CELF5: variants seen among roughly 807,000 people sequenced by gnomAD.
CELF5 encodes CUG-BP and ETR-3 like factor 5.
Under a neutral mutation model 54.9 loss-of-function variants are expected in CELF5, and 6 were observed. The ratio of observed to expected loss-of-function variants is 0.11; its 90% CI spans 0.06 to 0.22. The LOEUF (loss-of-function observed/expected upper bound fraction) is 0.22. Ranked by LOEUF, CELF5 falls within the 10% of genes least tolerant of loss-of-function variation. The pLI, the probability that CELF5 is intolerant of heterozygous loss-of-function variation, is 1.00. For synonymous variants in CELF5, 271 were observed against 290.9 expected (o/e 0.93, Z 0.70); for missense variants, 401 against 678.6 (o/e 0.59, Z 4.54).
chr19:3,275,824 G>C lies in CELF5; in HGVS notation c.395-32G>C. The C allele has an allele frequency of 6.3e-7, 1 of 1,587,550 alleles. No individual in the cohort carries two copies. The highest frequency in any genetic ancestry group is 8.6e-7 in the Non-Finnish European group (1 of 1,161,138). On this transcript the variant is annotated intron_variant, in intron 3 of 12. Coordinates refer to ENST00000292672, the MANE Select transcript of CELF5 (RefSeq NM_021938.4). The surrounding 1 kb of genome is among the most constrained non-coding windows in gnomAD (Gnocchi z 6.7). ...CCCGGAGGCCCTCCCGGAGGCCGGG[G>C]ACTCGGCTGAGGTGGGTGTCGCCGC...
At chr19:3,273,829 C>G in intron 2 of CELF5, 43 bp from the exon 3 acceptor site, 1 of 1,467,116 alleles carries the variant, frequency 6.8e-7, no homozygotes, top group Non-Finnish European at 9.5e-7. Flanking sequence ...CTGCCACACC[C>G]CCACTGCTAA....
At chr19:3,288,986 G>A (rs934306764) in intron 10 of CELF5, among the ~76,000 whole-genome samples, 2 of 152,120 alleles carry the variant, frequency 1.3e-5, no homozygotes, top group African/African-American at 4.8e-5. Flanking sequence ...GGTTTTAAAG[G>A]CTATTGTTAT....
chr19:3,252,224 C>G (rs1037830368), intron 2 of CELF5, among the ~76,000 whole-genome samples: 3 of 151,826 alleles, frequency 2.0e-5, no homozygotes. Flanking sequence ...TTTGTAGAGA[C>G]GGGGTCTCAT....
At chr19:3,266,447 A>G (rs1214846638) in intron 2 of CELF5, among the ~76,000 whole-genome samples, 2 of 151,250 alleles carry the variant, frequency 1.3e-5, no homozygotes, top group Non-Finnish European at 2.9e-5. Flanking sequence ...AAGAAGAAGA[A>G]GAGGAAAGAA....
chr19:3,296,457 G>GAAAAAAAAAAAAAAAAAAAAAAA (rs2080453313), intron 12 of CELF5: 1 of 67,000 alleles, frequency 1.5e-5, no homozygotes, highest in Non-Finnish European at 2.9e-5. Context: ...AAAAAAAAAA[G>GAAAAAAAAAAAAAAAAAAAAAAA]AAAAGAAAAA....
At chr19:3,250,885 AAGCTTGGG>A in intron 1 of CELF5, 92 bp from the exon 2 acceptor site, 2 of 735,994 alleles carry the variant, frequency 2.7e-6, no homozygotes, top group South Asian at 1.7e-5. Flanking sequence ...CTGTGGATGG[AAGCTTGGG>A]TTGCTTCCAC....
chr19:3,237,772 G>A (rs890591639), intron 1 of CELF5, among the ~76,000 whole-genome samples: 2 of 152,100 alleles, frequency 1.3e-5, no homozygotes, highest in Admixed American at 6.5e-5. Flanking sequence ...ACTTGAGGCC[G>A]GACGCGGTGG....
At chr19:3,260,727 A>G (rs1268150230) in intron 2 of CELF5, among the ~76,000 whole-genome samples, 1 of 148,808 alleles carries the variant, frequency 6.7e-6, no homozygotes, top group Non-Finnish European at 1.5e-5. Flanking sequence ...GGTTCACGCC[A>G]TTCTCCTGCC....
intron 2 of CELF5, 127 bp from the exon 3 acceptor site, chr19:3,273,745 G>C: frequency 1.5e-6 from 1 of 677,030 alleles, no homozygotes; most frequent in Admixed American, 2.2e-5. Flanking sequence ...GTGTTAGTTG[G>C]GTGGTGGGGT....
intron 2 of CELF5, 45 bp from the exon 3 acceptor site, chr19:3,273,827 C>A (rs750259966): frequency 1.6e-5 from 22 of 1,408,514 alleles, no homozygotes; most frequent in South Asian, 8.1e-5. Context: ...GCCTGCCACA[C>A]CCCCACTGCT....
chr19:3,258,514 C>T (rs2079763178), intron 2 of CELF5, among the ~76,000 whole-genome samples: 1 of 152,136 alleles, frequency 6.6e-6, no homozygotes, highest in African/African-American at 2.4e-5. Flanking sequence ...TCTCAAGATC[C>T]TTCATTTAAT....
intron 1 of CELF5, among the ~76,000 whole-genome samples, chr19:3,248,845 TCTTTCTTTCTTC>T (rs1568337644): frequency 2.9e-5 from 4 of 138,168 alleles, no homozygotes; most frequent in South Asian, 2.3e-4. Flanking sequence ...CAAACTTTTT[TCTTTCTTTCTTC>T]CTTCCTTCCT....
At chr19:3,251,666 T>TGTTG (rs1270547221) in intron 2 of CELF5, among the ~76,000 whole-genome samples, 3 of 135,572 alleles carry the variant, frequency 2.2e-5, no homozygotes, top group African/African-American at 8.0e-5. Flanking sequence ...TTTTTTTTTT[T>TGTTG]TTTTTTTTGT....
chr19:3,229,956 G>A (rs1917172724), intron 1 of CELF5, among the ~76,000 whole-genome samples: 1 of 152,154 alleles, frequency 6.6e-6, no homozygotes, highest in South Asian at 2.1e-4. Context: ...GCTCTTCCGA[G>A]GGGTCTTAGC....
chr19:3,226,392 G>C (rs1364206789), intron 1 of CELF5, among the ~76,000 whole-genome samples: 2 of 145,966 alleles, frequency 1.4e-5, no homozygotes, highest in Non-Finnish European at 3.0e-5. Context: ...TATCTTGAGG[G>C]AGGAAAGAAA....
chr19:3,242,192 C>T (rs2079500559), intron 1 of CELF5, among the ~76,000 whole-genome samples: 1 of 152,144 alleles, frequency 6.6e-6, no homozygotes, highest in Non-Finnish European at 1.5e-5. Flanking sequence ...GGCAGTGGAT[C>T]TCAGCTGTTA....
intron 1 of CELF5, among the ~76,000 whole-genome samples, chr19:3,238,660 G>C (rs2079450041): frequency 6.6e-6 from 1 of 151,786 alleles, no homozygotes; most frequent in African/African-American, 2.4e-5. Flanking sequence ...GGCCGGGTGT[G>C]GTGGCTCACG....
intron 1 of CELF5, among the ~76,000 whole-genome samples, chr19:3,248,922 C>CTTTTCT (rs1227074374): frequency 4.2e-5 from 5 of 119,204 alleles, no homozygotes; most frequent in African/African-American, 1.5e-4. Context: ...TTCTTTCTTT[C>CTTTTCT]TTTCTTTTCT....
At chr19:3,245,884 C>T (rs752150847) in intron 1 of CELF5, among the ~76,000 whole-genome samples, 6 of 152,164 alleles carry the variant, frequency 3.9e-5, no homozygotes, top group Non-Finnish European at 8.8e-5. Flanking sequence ...TACAACTGCA[C>T]GCCCACCTTA....
Sources: allele counts gnomAD v4.1 joint callset (sites outside exome capture counted in the v4.1 genomes callset), GRCh38; gene constraint gnomAD v4.1.1; non-coding constraint Gnocchi (gnomAD v3.1); transcripts MANE v1.5; gene names NCBI Gene and HGNC (gene_info 2026-07-23, HGNC 2026-07-21).